The following ARHGEF37 variants were observed in gnomAD, a reference collection of about 807,000 sequenced individuals.
ARHGEF37 encodes the protein Rho guanine nucleotide exchange factor 37, also known as Rho guanine nucleotide exchange factor (GEF) 37.
A neutral mutation model predicts 71.1 loss-of-function variants in ARHGEF37; 55 were observed. That is an observed-to-expected ratio of 0.77 (90% CI 0.62 to 0.97). The LOEUF (loss-of-function observed/expected upper bound fraction) is 0.97. ARHGEF37 is among the 50% of genes least tolerant of loss of function. ARHGEF37 has a pLI of 0.00. For missense variants in ARHGEF37, 765 were observed against 836.8 expected, an observed-to-expected ratio of 0.91 and a Z score of 1.06; for synonymous variants, 327 against 350.6, an observed-to-expected ratio of 0.93 and a Z score of 0.75.
intron 2 of ARHGEF37, among the ~76,000 whole-genome samples, chr5:149,598,340 TCTTCC>T: frequency 1.6e-5 from 2 of 128,922 alleles, no homozygotes; most frequent in Non-Finnish European, 3.3e-5. Context: ...TTCCTCTTCC[TCTTCC>T]TCTTCTTCTT....
chr5:149,555,391 C>T (rs1190768336), intron 1 of ARHGEF37, among the ~76,000 whole-genome samples: 1 of 151,984 alleles, frequency 6.6e-6, no homozygotes, highest in African/African-American at 2.4e-5. Context: ...ATAGTCTAGA[C>T]CTCCTGGGCT....
At chr5:149,621,048 C>T (rs1359469739) in intron 8 of ARHGEF37, among the ~76,000 whole-genome samples, 4 of 152,142 alleles carry the variant, frequency 2.6e-5, no homozygotes, top group African/African-American at 9.7e-5. Context: ...CTTTGAATAA[C>T]CCCATTCTGC....
At chr5:149,563,047 A>G (rs1317145624) in intron 1 of ARHGEF37, among the ~76,000 whole-genome samples, 1 of 152,122 alleles carries the variant, frequency 6.6e-6, no homozygotes, top group African/African-American at 2.4e-5. Flanking sequence ...TTTGAGAGTC[A>G]GCACCCATCT....
At position 149,622,017 on chromosome 5, in the gene ARHGEF37, C is replaced by T; in HGVS notation, c.1290C>T (p.Asp430=). 6.2e-7 allele frequency: 1 copy of T among 1,613,886 alleles called. No homozygotes were observed. Among genetic ancestry groups the T allele is most frequent in the Non-Finnish European group, 8.5e-7 (1 of 1,179,854 alleles). ...IMCTFVTLQR[D]LAKQVLQRAE... is the part of the protein sequence containing the mutation. ...GCACATTCGTGACCCTCCAGAGGGA[C>T]CTTGCAAAGCAAGTGCTGCAGAGGG... is the stretch of plus-strand genomic sequence containing the variant. Residue 430 remains aspartate, a synonymous_variant, in exon 9 of 13, where the codon GAC becomes GAT. Transcript: ENST00000333677.
chr5:149,614,991 T>A (rs1752334389), intron 4 of ARHGEF37, among the ~76,000 whole-genome samples: 1 of 152,140 alleles, frequency 6.6e-6, no homozygotes, highest in South Asian at 2.1e-4. Context: ...GGGCTACTGG[T>A]CATAATCAAG....
chr5:149,608,079 C>T (rs987056977), intron 3 of ARHGEF37, among the ~76,000 whole-genome samples: 10 of 151,924 alleles, frequency 6.6e-5, no homozygotes, highest in South Asian at 2.1e-4. Context: ...AAAGAAACCT[C>T]TTAAGGATGG....
At chr5:149,578,233 G>A (rs530201203), upstream of ARHGEF37, among the ~76,000 whole-genome samples, 4 of 152,158 alleles carry the variant, frequency 2.6e-5, no homozygotes, top group South Asian at 2.1e-4. Context: ...AGCTTTTGTC[G>A]CTTGCAACCA....
chr5:149,558,452 G>A (rs1762781904), intron 1 of ARHGEF37, among the ~76,000 whole-genome samples: 2 of 152,204 alleles, frequency 1.3e-5, no homozygotes, highest in South Asian at 4.1e-4. Context: ...GTTGCAGTGA[G>A]CTGAGATTGT....
intron 1 of ARHGEF37, among the ~76,000 whole-genome samples, chr5:149,592,789 A>C (rs1020682347): frequency 1.3e-5 from 2 of 151,916 alleles, no homozygotes; most frequent in Non-Finnish European, 2.9e-5. Context: ...TTTTTGTTTG[A>C]GATGGAGTCT....
chr5:149,597,953 C>A lies in ARHGEF37; in HGVS notation c.184C>A (p.Gln62Lys). The A allele has an allele frequency of 6.3e-7, 1 of 1,583,786 alleles. No individual in the cohort carries two copies. The highest frequency in any genetic ancestry group is 1.2e-5 in the South Asian group (1 of 86,276). The change falls in exon 2 of 13, where the codon CAG (glutamine) becomes AAG (lysine). Residue 62 changes from glutamine (Q) to lysine (K), a missense_variant and splice_region_variant. Gln to Lys is a moderately conservative substitution (Grantham distance 53). Around this residue, in one of 5 missense-constraint regions of ARHGEF37, gnomAD observed 201 missense variants for 217.5 expected, o/e 0.92. Transcript: ENST00000333677. ...CASDIRSRLQ[Q>K]LPQGDLDVLF... ...CTCTGACATCAGGAGCCGCCTCCAGCAGGTACTTGGGTGGGGTCACACACA... is the reference window on the plus strand; with the variant it reads ...CTCTGACATCAGGAGCCGCCTCCAGAAGGTACTTGGGTGGGGTCACACACA...
intron 1 of ARHGEF37, among the ~76,000 whole-genome samples, chr5:149,562,959 G>T (rs879885970): frequency 1.3e-5 from 2 of 152,116 alleles, no homozygotes; most frequent in Admixed American, 1.3e-4. Context: ...TAGTTCATCT[G>T]CAGCTCAATA....
intron 1 of ARHGEF37, among the ~76,000 whole-genome samples, chr5:149,564,282 T>TA (rs1198302766): frequency 6.6e-6 from 1 of 152,114 alleles, no homozygotes; most frequent in Admixed American, 6.5e-5. Context: ...TCTTATATCA[T>TA]AAAAAAATTT....
At chr5:149,608,547 AT>A (rs1452800516) in intron 3 of ARHGEF37, among the ~76,000 whole-genome samples, 1 of 151,696 alleles carries the variant, frequency 6.6e-6, no homozygotes, top group Admixed American at 6.6e-5. Flanking sequence ...TAATTTTTGT[AT>A]TTTTAGTAAA....
chr5:149,598,757 TAG>T lies in ARHGEF37; in HGVS notation c.186+804_186+805del, dbSNP rs1412021976. 5.7e-3 allele frequency among the ~76,000 whole-genome samples: 425 copies of T among 74,686 alleles called. 8 individuals are homozygous for T. Among genetic ancestry groups the T allele is most frequent in the African/African-American group, 0.019 (370 of 19,396 alleles). The allele number at this position is 74,686 out of a possible 152,430, so 49.0% of individuals were successfully genotyped here. A position where few individuals can be genotyped will look rare whatever the true frequency, so the allele number is the denominator to read the frequency against. On this transcript the variant is annotated intron_variant, in intron 2 of 12. Transcript: ENST00000333677. ...AATCTCATATATATATATCTATATATAGATATAGATATAGATATAGATATATA... is the reference window on the plus strand; with the variant it reads ...AATCTCATATATATATATCTATATATATATAGATATAGATATAGATATATA...
chr5:149,598,349 TC>T (rs1763629488), intron 2 of ARHGEF37, among the ~76,000 whole-genome samples: 1 of 107,198 alleles, frequency 9.3e-6, no homozygotes, highest in Non-Finnish European at 1.8e-5. Flanking sequence ...CTCTTCCTCT[TC>T]TTCTTCCTCT....
chr5:149,574,625 T>C (rs1173892995), intron 1 of ARHGEF37, among the ~76,000 whole-genome samples: 1 of 152,230 alleles, frequency 6.6e-6, no homozygotes, highest in Non-Finnish European at 1.5e-5. Context: ...CTAGTCTATA[T>C]TGCCAGTCCA....
chr5:149,553,225 C>T (rs1762708974), intron 1 of ARHGEF37, among the ~76,000 whole-genome samples: 1 of 152,168 alleles, frequency 6.6e-6, no homozygotes, highest in East Asian at 1.9e-4. Context: ...GTGGTGAAAC[C>T]CTGTCTCTAC....
chr5:149,609,809 T>A, intron 4 of ARHGEF37, 114 bp downstream of exon 4: 1 of 1,419,296 alleles, frequency 7.0e-7, no homozygotes, highest in Non-Finnish European at 9.6e-7. Context: ...TGTTGCTCTG[T>A]CAGAGCCTGT....
At chr5:149,582,734 A>G (rs1423415184) in intron 1 of ARHGEF37, among the ~76,000 whole-genome samples, 2 of 152,178 alleles carry the variant, frequency 1.3e-5, no homozygotes, top group African/African-American at 4.8e-5. Context: ...AATATATTAA[A>G]GTATCACAGG....
Sources: allele counts gnomAD v4.1 joint callset (sites outside exome capture counted in the v4.1 genomes callset), GRCh38; gene constraint gnomAD v4.1.1; regional missense constraint gnomAD v4.1.1; transcripts MANE v1.5; gene names NCBI Gene and HGNC (gene_info 2026-07-23, HGNC 2026-07-21).